The following IFNG-AS1 variants were observed in gnomAD, a reference collection of about 807,000 sequenced individuals.
IFNG-AS1 encodes IFNG antisense RNA 1 (non-protein coding).
chr12:68,015,491 A>T lies in IFNG-AS1; in HGVS notation n.242-4371A>T, dbSNP rs557176130. On this transcript the variant is annotated intron_variant and non_coding_transcript_variant, in intron 3 of 5. Coordinates refer to ENST00000536914, the Ensembl canonical transcript of IFNG-AS1. ...AGAGGCTTCACCTTCTCATCTCCTC[A>T]TATGTGCTACTTTGAAGCCTCTAAA... 2.0e-5 allele frequency among the ~76,000 whole-genome samples: 3 copies of T among 152,226 alleles called. No individual in the cohort carries two copies. In the South Asian group the frequency reaches 6.2e-4, roughly 32 times the overall value.
At chr12:67,991,543 G>A (rs781255695) in intron 1 of IFNG-AS1, among the ~76,000 whole-genome samples, 94 of 152,318 alleles carry the variant, frequency 6.2e-4, no homozygotes, top group Middle Eastern at 3.4e-3. Context: ...CCACCTTAAT[G>A]AATGAGGATA....
chr12:68,001,795 C>T (rs1256894645), intron 2 of IFNG-AS1, among the ~76,000 whole-genome samples: 3 of 152,072 alleles, frequency 2.0e-5, no homozygotes. Flanking sequence ...AACTCAAACC[C>T]TAACCTGAAC....
At chr12:67,994,364 C>T (rs1411039581) in intron 1 of IFNG-AS1, among the ~76,000 whole-genome samples, 1 of 152,202 alleles carries the variant, frequency 6.6e-6, no homozygotes, top group African/African-American at 2.4e-5. Flanking sequence ...ATCGTTACAT[C>T]CATATGGAGG....
At chr12:68,019,946 C>T (rs1437087024) in intron 4 of IFNG-AS1, 1 of 152,164 alleles carries the variant, frequency 6.6e-6, no homozygotes, top group African/African-American at 2.4e-5. Flanking sequence ...TTATTTAGAC[C>T]TGGAGGGGCC....
chr12:68,008,805 C>A lies in IFNG-AS1; in HGVS notation n.241+2659C>A, dbSNP rs115672267. On this transcript the variant is annotated intron_variant and non_coding_transcript_variant, in intron 3 of 5. Transcript: ENST00000536914. ...AGTAGCATGAATTTTCTTTTTTCCT[C>A]TCATTCTGTTAAGGAGATCTCAGTC... Among the ~76,000 whole-genome samples, 1,487 of 152,256 alleles carry A rather than the reference C, an allele frequency of 9.8e-3. 26 individuals are homozygous for A. The highest frequency in any genetic ancestry group is 0.033 in the African/African-American group (1,391 of 41,546).
chr12:68,001,113 A>C (rs895714753), intron 2 of IFNG-AS1, among the ~76,000 whole-genome samples: 7 of 152,122 alleles, frequency 4.6e-5, no homozygotes, highest in African/African-American at 1.7e-4. Context: ...TTGCACATAC[A>C]TACAAACACA....
chr12:68,000,023 C>T (rs1305477501), intron 2 of IFNG-AS1, among the ~76,000 whole-genome samples: 2 of 152,162 alleles, frequency 1.3e-5, no homozygotes, highest in African/African-American at 2.4e-5. Context: ...TTACCTTAAT[C>T]ATAATCTGGA....
At chr12:68,000,949 C>A (rs1879753111) in intron 2 of IFNG-AS1, among the ~76,000 whole-genome samples, 1 of 152,098 alleles carries the variant, frequency 6.6e-6, no homozygotes, top group South Asian at 2.1e-4. Flanking sequence ...TAGAGAACTT[C>A]ATTTCTATTC....
chr12:67,998,911 G>A (rs2120427996), intron 2 of IFNG-AS1, among the ~76,000 whole-genome samples: 1 of 152,260 alleles, frequency 6.6e-6, no homozygotes, highest in Non-Finnish European at 1.5e-5. Context: ...GCATTGGTTA[G>A]TAATTATAAA....
At chr12:68,018,427 T>A (rs1880205915) in intron 3 of IFNG-AS1, among the ~76,000 whole-genome samples, 1 of 152,180 alleles carries the variant, frequency 6.6e-6, no homozygotes, top group Non-Finnish European at 1.5e-5. Context: ...AGCCTGTGAA[T>A]GCAGTCATAG....
chr12:67,991,899 A>G (rs1248269196), intron 1 of IFNG-AS1, among the ~76,000 whole-genome samples: 2 of 152,184 alleles, frequency 1.3e-5, no homozygotes, highest in African/African-American at 4.8e-5. Flanking sequence ...AGAATGAAAT[A>G]ATAAGTGTCC....
At chr12:68,005,492 C>T (rs1012267294) in intron 2 of IFNG-AS1, among the ~76,000 whole-genome samples, 4 of 152,240 alleles carry the variant, frequency 2.6e-5, no homozygotes, top group Admixed American at 2.6e-4. Flanking sequence ...CAAAAAAACC[C>T]AAAAACGAAA....
chr12:67,995,344 C>T (rs567005272), intron 1 of IFNG-AS1, among the ~76,000 whole-genome samples: 25 of 150,496 alleles, frequency 1.7e-4, no homozygotes, highest in African/African-American at 5.9e-4. Flanking sequence ...TCGCTTGAAC[C>T]CAGGAAGCGG....
At chr12:68,017,061 C>T (rs1018917143) in intron 3 of IFNG-AS1, among the ~76,000 whole-genome samples, 1 of 152,062 alleles carries the variant, frequency 6.6e-6, no homozygotes, top group Non-Finnish European at 1.5e-5. Context: ...CAGAAGGGAC[C>T]TTTTGTCATA....
At chr12:67,996,929 G>A (rs1565686931) in intron 2 of IFNG-AS1, among the ~76,000 whole-genome samples, 1 of 151,928 alleles carries the variant, frequency 6.6e-6, no homozygotes, top group Non-Finnish European at 1.5e-5. Flanking sequence ...ATGTATTTCT[G>A]GTTCAAGTTA....
At chr12:68,007,904 C>T (rs1281204298) in intron 3 of IFNG-AS1, among the ~76,000 whole-genome samples, 1 of 152,036 alleles carries the variant, frequency 6.6e-6, no homozygotes, top group Admixed American at 6.5e-5. Context: ...TCCCCTGGGT[C>T]AAATGGAATC....
intron 3 of IFNG-AS1, among the ~76,000 whole-genome samples, chr12:68,011,110 C>T (rs983464484): frequency 1.3e-5 from 2 of 152,102 alleles, no homozygotes; most frequent in Admixed American, 6.6e-5. Flanking sequence ...GTGATATTGG[C>T]TCAGCTGATA....
chr12:68,010,490 A>G (rs1880001560), intron 3 of IFNG-AS1, among the ~76,000 whole-genome samples: 2 of 151,810 alleles, frequency 1.3e-5, no homozygotes, highest in African/African-American at 2.4e-5. Flanking sequence ...TACTTCCCCT[A>G]CCCCTTGCCA....
intron 1 of IFNG-AS1, among the ~76,000 whole-genome samples, chr12:67,995,486 G>A (rs1879617509): frequency 6.7e-6 from 1 of 150,154 alleles, no homozygotes; most frequent in Admixed American, 6.6e-5. Context: ...ACTTTGGGAG[G>A]CCGAGGCGGG....
Sources: allele counts gnomAD v4.1 joint callset (sites outside exome capture counted in the v4.1 genomes callset), GRCh38; gene constraint gnomAD v4.1.1; transcripts MANE v1.5; gene names NCBI Gene and HGNC (gene_info 2026-07-23, HGNC 2026-07-21).